Variants in HIPK4 observed in about 807,000 individuals in gnomAD.
The protein encoded by HIPK4 is homeodomain interacting protein kinase 4.
In HIPK4, 26 loss-of-function variants were observed where a neutral mutation model predicts 44.8. The ratio of observed to expected loss-of-function variants is 0.58; its 90% CI spans 0.43 to 0.80. The LOEUF is 0.80. Among genes scored for constraint, HIPK4 ranks in the 30% least tolerant of loss-of-function variants. The pLI, the probability that HIPK4 is intolerant of heterozygous loss-of-function variation, is 0.00. For missense variants in HIPK4, 729 were observed against 862.6 expected (o/e 0.85, Z 1.94); for synonymous variants, 340 against 355.5 (o/e 0.96, Z 0.49).
chr19:40,379,856 TG>T (rs1220628512), intron 3 of HIPK4, 87 bp from the exon 4 acceptor site: 20 of 1,353,258 alleles, frequency 1.5e-5, no homozygotes, highest in Non-Finnish European at 2.0e-5. Context: ...CTGATGAGGG[TG>T]AGCATGTGCT....
intron 1 of HIPK4, among the ~76,000 whole-genome samples, chr19:40,388,608 T>G (rs1420858808): frequency 6.6e-6 from 1 of 152,230 alleles, no homozygotes. Flanking sequence ...TTTCTGTCTC[T>G]GTGTCTCTGG....
chr19:40,380,771 A>G lies in HIPK4; in HGVS notation c.1220T>C (p.Val407Ala), dbSNP rs768637510. The stretch of plus-strand genomic sequence containing the variant: ...TCGGAAGAAGGGGCTGCTGCCGGCC[A>G]CACTGCCCATACCCGCAGCCTCCTT... ...EEKEAAGMGS[V>A]AGSSPFFREE... is the part of the protein sequence containing the mutation. The change falls in exon 3 of 4, where the codon GTG (valine) becomes GCG (alanine). Residue 407 changes from valine to alanine, a missense_variant. Val to Ala is a moderately conservative substitution (Grantham distance 64, BLOSUM62 0). Around this residue, in one of 2 missense-constraint regions of HIPK4, gnomAD observed 533 missense variants for 567.5 expected, o/e 0.94. Transcript: ENST00000291823. This position sits in a 1 kb window ranked among gnomAD's most constrained non-coding sequence, Gnocchi z 4.2. 3.7e-6 allele frequency: 6 copies of G among 1,614,182 alleles called. No homozygotes were observed. The highest frequency in any genetic ancestry group is 5.1e-6 in the Non-Finnish European group (6 of 1,180,006).
At chr19:40,385,897 G>A (rs1036452493) in intron 1 of HIPK4, among the ~76,000 whole-genome samples, 2 of 151,014 alleles carry the variant, frequency 1.3e-5, no homozygotes, top group Non-Finnish European at 1.5e-5. Context: ...TAGTAGAGAC[G>A]GGGTTTCACG....
intron 3 of HIPK4, 108 bp from the exon 4 acceptor site, chr19:40,379,877 C>T: frequency 2.5e-6 from 3 of 1,192,056 alleles, no homozygotes; most frequent in Non-Finnish European, 2.3e-6. Context: ...TAGGGTCTTA[C>T]CAGTGCTGGG....
At chr19:40,387,430 G>A (rs2079368300) in intron 1 of HIPK4, among the ~76,000 whole-genome samples, 2 of 152,168 alleles carry the variant, frequency 1.3e-5, no homozygotes, top group South Asian at 4.1e-4. Context: ...TGGTGGAGCT[G>A]TCTGCCATTT....
chr19:40,383,744 G>A (rs1320747111), intron 2 of HIPK4, 39 bp downstream of exon 2: 4 of 1,496,344 alleles, frequency 2.7e-6, no homozygotes, highest in African/African-American at 2.8e-5. Flanking sequence ...TCATGTAACA[G>A]CCCCCACACT....
intron 2 of HIPK4, among the ~76,000 whole-genome samples, chr19:40,382,275 T>A (rs569782066): frequency 1.1e-4 from 17 of 152,160 alleles, no homozygotes; most frequent in South Asian, 8.3e-4. Context: ...GGCTAAATTT[T>A]AAAAAAAATT....
At position 40,379,692 on chromosome 19, in the gene HIPK4, G is replaced by A. The variant is rs141442170; in HGVS notation, c.1746C>T (p.Ser582=). The A allele has an allele frequency of 3.6e-5, 57 of 1,598,424 alleles. No individual in the cohort carries two copies. Among genetic ancestry groups the A allele is most frequent in the Middle Eastern group, 1.9e-4 (1 of 5,278 alleles). The part of the protein sequence containing the change: ...WLSEPDCTLE[S]VRGPRAQGLP... ...GCCCCTGAGCCCGTGGGCCCCTGAC[G>A]CTCTCCAGGGTGCAGTCTGGCTCAC... The change falls in exon 4 of 4, where the codon AGC becomes AGT. Residue 582 remains serine, a synonymous_variant. Transcript: ENST00000291823.
chr19:40,385,658 CCT>C (rs1008491758), intron 1 of HIPK4, among the ~76,000 whole-genome samples: 5 of 151,130 alleles, frequency 3.3e-5, no homozygotes, highest in African/African-American at 9.7e-5. Context: ...CCGCCAGGCC[CCT>C]GTTTTTCTTT....
intron 1 of HIPK4, among the ~76,000 whole-genome samples, chr19:40,385,683 CTTTTT>C (rs142414559): frequency 3.3e-4 from 22 of 67,040 alleles, no homozygotes; most frequent in Non-Finnish European, 5.1e-4. Context: ...CTTTTCTTTT[CTTTTT>C]TTTTTTTTTT....
Position 40,380,847 on chromosome 19 carries a change from G to C in HIPK4, c.1144C>G (p.Pro382Ala). 1 of 1,609,404 alleles carries C rather than the reference G, an allele frequency of 6.2e-7. No homozygotes were observed. Among genetic ancestry groups the C allele is most frequent in the Non-Finnish European group, 8.5e-7 (1 of 1,176,072 alleles). ...GTCCCATCTTCTGCGGCCACGACGG[G>C]CGTGGGGGGCTTCCCCTCCACTTGC... The part of the protein sequence containing the change: ...SLQVEGKPPT[P>A]VVAAEDGTPY... The change falls in exon 3 of 4, where the codon CCC becomes GCC. Residue 382 changes from proline (P) to alanine (A), a missense_variant. Pro to Ala is a conservative substitution (Grantham distance 27). This residue lies in a region of HIPK4 where 533 missense variants were observed against 567.5 expected (regional missense o/e 0.94). Transcript: ENST00000291823. The surrounding 1 kb of genome is among the most constrained non-coding windows in gnomAD (Gnocchi z 4.2).
rs761593862 is a variant in HIPK4 at position 40,379,598 on chromosome 19, C to T, written c.1840G>A (p.Gly614Arg). The change falls in exon 4 of 4, where the codon GGG (glycine) becomes AGG (arginine). Residue 614 changes from glycine to arginine, a missense_variant. Coordinates refer to ENST00000291823, the MANE Select transcript of HIPK4 (RefSeq NM_144685.5). ...GATSFLQHVTGHH is the reference protein window; with the variant it reads ...GATSFLQHVTRHH The stretch of plus-strand genomic sequence containing the variant: ...GGGTGGAATCACCATCAGTGGTGCC[C>T]GGTGACATGCTGGAGGAAGCTGGTG... 4.3e-5 allele frequency: 66 copies of T among 1,534,904 alleles called. No homozygotes were observed. Among genetic ancestry groups the T allele is most frequent in the Admixed American group, 2.7e-4 (13 of 48,136 alleles).
Position 40,381,144 on chromosome 19 carries a change from A to G in HIPK4, c.847T>C (p.Tyr283His), listed in dbSNP as rs747112058. 3.1e-6 allele frequency: 5 copies of G among 1,600,750 alleles called. No homozygotes were observed. Among genetic ancestry groups the G allele is most frequent in the East Asian group, 4.5e-5 (2 of 44,790 alleles). The change falls in exon 3 of 4, where the codon TAT becomes CAT. Residue 283 changes from tyrosine to histidine, a missense_variant. By Grantham distance (83) the Tyr-to-His change is moderately conservative (BLOSUM62 2). Coordinates refer to ENST00000291823, the MANE Select transcript of HIPK4 (RefSeq NM_144685.5). ...TKVRPLERRKYMLKSLDQIET... is the reference protein window; with the variant it reads ...TKVRPLERRKHMLKSLDQIET... ...ATCTGGTCCAACGACTTGAGCATAT[A>G]CTTGCGGCGCTCCAATGGGCGCACC... is the stretch of plus-strand genomic sequence containing the variant.
At chr19:40,386,573 G>A (rs1256376728) in intron 1 of HIPK4, among the ~76,000 whole-genome samples, 2 of 151,518 alleles carry the variant, frequency 1.3e-5, no homozygotes, top group Non-Finnish European at 2.9e-5. Context: ...TGCCCAGGAT[G>A]GCTCCTGGGC....
Position 40,389,898 on chromosome 19 carries a change from G to T in HIPK4, c.5C>A (p.Ser2Tyr). 6.2e-7 allele frequency: 1 copy of T among 1,604,414 alleles called. No individual in the cohort carries two copies. The change falls in exon 1 of 4, where the codon TCC becomes TAC. Residue 2 changes from serine (S) to tyrosine (Y), a missense_variant. Ser to Tyr is a moderately radical substitution (Grantham distance 144, BLOSUM62 -2). Coordinates refer to ENST00000291823, the MANE Select transcript of HIPK4 (RefSeq NM_144685.5). This position sits in a 1 kb window ranked among gnomAD's most constrained non-coding sequence, Gnocchi z 4.6. M[S>Y]TIQSETDCYD... ...GCAGTCAGTCTCCGACTGGATGGTG[G>T]ACATGGTGCCGCTGCTGCCAGACAC...
rs761717255 is a variant in HIPK4, at chr19:40,380,886, A to G, written c.1105T>C (p.Tyr369His). 3.1e-6 allele frequency: 5 copies of G among 1,607,176 alleles called. No individual in the cohort carries two copies. The highest frequency in any genetic ancestry group is 4.3e-6 in the Non-Finnish European group (5 of 1,174,530). The change falls in exon 3 of 4, where the codon TAC becomes CAC. Residue 369 changes from tyrosine to histidine, a missense_variant. Physicochemically the swap from Tyr to His is moderately conservative, Grantham distance 83 (BLOSUM62 2). This residue lies in a region of HIPK4 where 533 missense variants were observed against 567.5 expected (regional missense o/e 0.94). Coordinates refer to ENST00000291823, the MANE Select transcript of HIPK4 (RefSeq NM_144685.5). This position sits in a 1 kb window ranked among gnomAD's most constrained non-coding sequence, Gnocchi z 4.2. ...THYYQLSLRSYRLSLQVEGKP... is the reference protein window; with the variant it reads ...THYYQLSLRSHRLSLQVEGKP... ...CCCTCCACTTGCAGCGAGAGGCGGT[A>G]GCTGCGCAGCGAGAGCTGGTAGTAG...
chr19:40,380,510 C>A lies in HIPK4; in HGVS notation c.1481G>T (p.Gly494Val). Residue 494 changes from glycine (G) to valine (V), a missense_variant, in exon 3 of 4, where the codon GGT becomes GTT. Around this residue, in one of 2 missense-constraint regions of HIPK4, gnomAD observed 533 missense variants for 567.5 expected, o/e 0.94. Coordinates refer to ENST00000291823, the MANE Select transcript of HIPK4 (RefSeq NM_144685.5). The surrounding 1 kb of genome is among the most constrained non-coding windows in gnomAD (Gnocchi z 4.2). The stretch of plus-strand genomic sequence containing the variant: ...GCTGAAGTTGGAGTCGGACTTGGAA[C>A]CCGCAGGTGGCTTGCGGGCCTTGTG... ...GRHKARKPPA[G>V]SKSDSNFSNL... is the part of the protein sequence containing the mutation. 6.2e-7 allele frequency: 1 copy of A among 1,612,598 alleles called. No individual in the cohort carries two copies. Among genetic ancestry groups the A allele is most frequent in the Non-Finnish European group, 8.5e-7 (1 of 1,179,970 alleles).
At chr19:40,382,614 C>G (rs1487520929) in intron 2 of HIPK4, among the ~76,000 whole-genome samples, 1 of 152,158 alleles carries the variant, frequency 6.6e-6, no homozygotes, top group South Asian at 2.1e-4. Flanking sequence ...TCCCCCAGAT[C>G]TATCTTGCTG....
In HIPK4 at chr19:40,379,357, T is replaced by C; in HGVS notation, c.*230A>G. The C allele has an allele frequency of 1.9e-6, 1 of 526,818 alleles. No individual in the cohort carries two copies. Among genetic ancestry groups the C allele is most frequent in the Non-Finnish European group, 3.3e-6 (1 of 303,748 alleles). The allele number at this position is 526,818 out of a possible 1,614,324, so 32.6% of individuals were successfully genotyped here. A position where few individuals can be genotyped will look rare whatever the true frequency, so the allele number is the denominator to read the frequency against. ...AGCGGGGTGCAGCCCCCTTTCCTGCTGTCCTTCTGGCCAAGGAGCATGGGC... is the reference window on the plus strand; with the variant it reads ...AGCGGGGTGCAGCCCCCTTTCCTGCCGTCCTTCTGGCCAAGGAGCATGGGC... On this transcript the variant is annotated 3_prime_UTR_variant, in exon 4 of 4. Transcript: ENST00000291823.
Sources: gnomAD v4.1 joint callset for allele counts (sites outside exome capture counted in the v4.1 genomes callset) on GRCh38, gnomAD v4.1.1 for gene constraint, gnomAD v4.1.1 regional missense constraint, Gnocchi (gnomAD v3.1) non-coding constraint, MANE v1.5 for transcripts, NCBI Gene and HGNC (gene_info 2026-07-23, HGNC 2026-07-21) for gene names.